Variants in SEMA3A observed in about 807,000 individuals in gnomAD.
SEMA3A encodes semaphorin-3A.
In SEMA3A, 29 loss-of-function variants were observed where a neutral mutation model predicts 97.9. That is an observed-to-expected ratio of 0.30 (90% CI 0.22 to 0.40). SEMA3A has a LOEUF of 0.40. Among genes scored for constraint, SEMA3A ranks in the 10% least tolerant of loss-of-function variants. The probability of loss-of-function intolerance (pLI) is 1.00; values close to 1 mark genes in which losing one functional copy is unlikely to be tolerated. For missense variants in SEMA3A, 763 were observed against 951.3 expected (o/e 0.80, Z 2.60); for synonymous variants, 321 against 323.7 (o/e 0.99, Z 0.09).
intron 1 of SEMA3A, among the ~76,000 whole-genome samples, chr7:84,475,083 A>G (rs1238733): frequency 6.6e-6 from 1 of 151,282 alleles, no homozygotes; most frequent in Non-Finnish European, 1.5e-5. Context: ...CTTCTCCCCC[A>G]ACCCCCAAGA....
intron 2 of SEMA3A, among the ~76,000 whole-genome samples, chr7:84,356,407 T>C (rs1475970837): frequency 6.6e-6 from 1 of 151,520 alleles, no homozygotes; most frequent in African/African-American, 2.4e-5. Flanking sequence ...TTCAAGAGTA[T>C]AAATAGCACT....
chr7:84,437,951 A>T (rs549200928), intron 1 of SEMA3A, among the ~76,000 whole-genome samples: 1 of 152,148 alleles, frequency 6.6e-6, no homozygotes, highest in African/African-American at 2.4e-5. Flanking sequence ...AACCTAAAAC[A>T]AGTTTTATTT....
At chr7:84,016,009 A>G (rs377627864) in intron 6 of SEMA3A, among the ~76,000 whole-genome samples, 11 of 152,248 alleles carry the variant, frequency 7.2e-5, no homozygotes, top group African/African-American at 2.6e-4. Flanking sequence ...TAACCTGGAT[A>G]ACTGTTGCAA....
chr7:84,064,217 G>A (rs1793382707), intron 4 of SEMA3A, among the ~76,000 whole-genome samples: 1 of 151,986 alleles, frequency 6.6e-6, no homozygotes, highest in South Asian at 2.1e-4. Context: ...ACAAGCAAAT[G>A]CTGAGAGATT....
chr7:84,199,030 A>G (rs1798297699), upstream of SEMA3A, among the ~76,000 whole-genome samples: 1 of 152,146 alleles, frequency 6.6e-6, no homozygotes, highest in African/African-American at 2.4e-5. Flanking sequence ...TTCCCTCTCT[A>G]TATTTTGCTA....
intron 3 of SEMA3A, among the ~76,000 whole-genome samples, chr7:84,299,866 C>G (rs977209595): frequency 1.4e-4 from 2 of 14,458 alleles, no homozygotes; most frequent in African/African-American, 5.8e-4. Flanking sequence ...CTCGTCTCTA[C>G]TAAAAATACA....
intron 3 of SEMA3A, among the ~76,000 whole-genome samples, chr7:84,235,708 A>G (rs1799220996): frequency 6.6e-6 from 1 of 152,036 alleles, no homozygotes; most frequent in Non-Finnish European, 1.5e-5. Context: ...TCTCATAAAG[A>G]CCAATTATCA....
intron 1 of SEMA3A, among the ~76,000 whole-genome samples, chr7:84,454,629 CAT>C (rs1450645869): frequency 6.6e-6 from 1 of 151,974 alleles, no homozygotes; most frequent in Non-Finnish European, 1.5e-5. Flanking sequence ...ATTGTATATT[CAT>C]GTAATACAAA....
At chr7:84,312,901 TATATATATATATATATATATACACAC>T (rs1391493169) in intron 2 of SEMA3A, among the ~76,000 whole-genome samples, 5 of 81,284 alleles carry the variant, frequency 6.2e-5, no homozygotes, top group Non-Finnish European at 9.8e-5. Flanking sequence ...TATATATATA[TATATATATATATATATATATACACAC>T]ACACACACAC....
intron 1 of SEMA3A, among the ~76,000 whole-genome samples, chr7:84,180,845 A>C (rs548506991): frequency 1.3e-5 from 2 of 152,222 alleles, no homozygotes; most frequent in South Asian, 4.2e-4. Flanking sequence ...TGGCTTACTA[A>C]ATGAAGGATG....
At chr7:84,324,670 T>C (rs1801730635) in intron 2 of SEMA3A, among the ~76,000 whole-genome samples, 1 of 152,166 alleles carries the variant, frequency 6.6e-6, no homozygotes, top group Non-Finnish European at 1.5e-5. Flanking sequence ...AATTTCTGAA[T>C]TTATTTTTCA....
At chr7:84,489,337 A>G (rs1806661663) in intron 1 of SEMA3A, among the ~76,000 whole-genome samples, 1 of 152,008 alleles carries the variant, frequency 6.6e-6, no homozygotes, top group African/African-American at 2.4e-5. Context: ...TCATGGAGAG[A>G]CTTGGGTGGG....
chr7:84,417,141 C>A (rs1372045965), intron 1 of SEMA3A, among the ~76,000 whole-genome samples: 2 of 151,956 alleles, frequency 1.3e-5, no homozygotes, highest in East Asian at 1.9e-4. Flanking sequence ...CTTGCTCCAA[C>A]CATGAACAAA....
At position 84,080,716 on chromosome 7, in the gene SEMA3A, C is replaced by T. The variant is rs1246904644; in HGVS notation, c.454-20158G>A. Among the ~76,000 whole-genome samples the T allele has an allele frequency of 1.1e-4, 2 of 17,990 alleles. 1 individual carries two copies. The highest frequency in any genetic ancestry group is 1.9e-4 in the Non-Finnish European group (2 of 10,498). 11.8% of individuals were successfully genotyped at this position (17,990 alleles called of 152,430 possible). A position where few individuals can be genotyped will look rare whatever the true frequency, so the allele number is the denominator to read the frequency against. ...CCTCCCAAGTAGCTGGGACTACAGG[C>T]GCCCGCCACTACGCCCGGCTAATTT... On this transcript the variant is annotated intron_variant, in intron 4 of 16. Coordinates refer to ENST00000265362, the MANE Select transcript of SEMA3A (RefSeq NM_006080.3).
At chr7:83,979,909 ATGT>A (rs1216378812) in intron 14 of SEMA3A, among the ~76,000 whole-genome samples, 1 of 152,156 alleles carries the variant, frequency 6.6e-6, no homozygotes, top group Admixed American at 6.5e-5. Context: ...ACTGATACAA[ATGT>A]TGTAGGACAT....
rs549518409 is a variant in SEMA3A, at chr7:84,354,760, T to C, written c.-169+17064A>G. Among the ~76,000 whole-genome samples, 8 of 151,818 alleles carry C rather than the reference T, an allele frequency of 5.3e-5. 1 individual carries two copies. The South Asian group carries it at 1.7e-3, about 31-fold the overall frequency. ...TTTTAGATGTGAATTACAAATGTCA[T>C]ATTTTCTGAGTCCATGTGTTATGTA... On this transcript the variant is annotated intron_variant, in intron 2 of 3. Coordinates refer to the SEMA3A transcript ENST00000424555.
chr7:84,008,490 CAAA>C (rs752729583), intron 9 of SEMA3A, among the ~76,000 whole-genome samples: 3 of 81,194 alleles, frequency 3.7e-5, no homozygotes, highest in Non-Finnish European at 2.7e-5. Flanking sequence ...GACTCCGTCT[CAAA>C]AAAAAAAAAA....
At chr7:84,334,144 A>C (rs1002496867) in intron 2 of SEMA3A, among the ~76,000 whole-genome samples, 7 of 152,172 alleles carry the variant, frequency 4.6e-5, no homozygotes, top group African/African-American at 1.7e-4. Context: ...AGTTCTGTCT[A>C]TATAATTCCA....
intron 3 of SEMA3A, among the ~76,000 whole-genome samples, chr7:84,229,329 C>T (rs2116352578): frequency 1.3e-5 from 2 of 152,062 alleles, no homozygotes; most frequent in South Asian, 4.1e-4. Flanking sequence ...CTCATTAGGC[C>T]CCCTCTTAGT....
Sources: allele counts gnomAD v4.1 joint callset (sites outside exome capture counted in the v4.1 genomes callset), GRCh38; gene constraint gnomAD v4.1.1; transcripts MANE v1.5; gene names NCBI Gene and HGNC (gene_info 2026-07-23, HGNC 2026-07-21).